The following TRAPPC12 variants were observed in gnomAD, a reference collection of about 807,000 sequenced individuals.
The protein encoded by TRAPPC12 is TPR repeat protein 15.
A neutral mutation model predicts 69.2 loss-of-function variants in TRAPPC12; 61 were observed. The ratio of observed to expected loss-of-function variants is 0.88; its 90% confidence interval spans 0.72 to 1.09. The LOEUF is 1.09. Ranked by LOEUF, TRAPPC12 falls within the 50% of genes least tolerant of loss-of-function variation. The probability of loss-of-function intolerance (pLI) is 0.00; values close to 1 mark genes in which losing one functional copy is unlikely to be tolerated. For missense variants in TRAPPC12, 1,101 were observed against 1,016.4 expected, an observed-to-expected ratio of 1.08 and a Z score of -1.13; for synonymous variants, 469 against 438.9, an observed-to-expected ratio of 1.07 and a Z score of -0.86.
chr2:3,466,393 G>A (rs533073716), intron 9 of TRAPPC12: 116 of 471,224 alleles, frequency 2.5e-4, no homozygotes, highest in African/African-American at 2.1e-3. Flanking sequence ...ACCCACTCAC[G>A]GTGAGCCAGG....
At chr2:3,419,018 C>T (rs112752855) in intron 3 of TRAPPC12, among the ~76,000 whole-genome samples, 1 of 152,212 alleles carries the variant, frequency 6.6e-6, no homozygotes, top group South Asian at 2.1e-4. Context: ...CCCCTCGGGC[C>T]CTGCACCCTG....
intron 1 of TRAPPC12, among the ~76,000 whole-genome samples, chr2:3,387,134 TCAA>T (rs1231817635): frequency 6.6e-6 from 1 of 152,312 alleles, no homozygotes; most frequent in Admixed American, 6.5e-5. Context: ...ACCCACGTGT[TCAA>T]CAACAGATAG....
chr2:3,478,632 C>A (rs558534460), intron 10 of TRAPPC12: 2 of 504,524 alleles, frequency 4.0e-6, no homozygotes, highest in East Asian at 6.7e-5. Flanking sequence ...AAAACTCCAT[C>A]TAAAAAATAA....
Position 3,479,475 on chromosome 2 carries a change from A to G in TRAPPC12, c.*14A>G. On this transcript the variant is annotated 3_prime_UTR_variant, in exon 12 of 12. Transcript: ENST00000324266. ...AAGCTGGCCTAGCTGCCTCCAACAC[A>G]CTACGTCAGAAGGACCCGGGTCTTT... 1.2e-6 allele frequency: 2 copies of G among 1,612,590 alleles called. No homozygotes were observed. Among genetic ancestry groups the G allele is most frequent in the Middle Eastern group, 1.7e-4 (1 of 6,056 alleles).
chr2:3,389,718 C>T (rs1029983653), intron 2 of TRAPPC12: 1 of 470,976 alleles, frequency 2.1e-6, no homozygotes, highest in Non-Finnish European at 4.4e-6. Context: ...ACCTGCACTC[C>T]GCGGAGTCCT....
At chr2:3,454,187 G>T (rs1022876107) in intron 6 of TRAPPC12, among the ~76,000 whole-genome samples, 3 of 152,368 alleles carry the variant, frequency 2.0e-5, no homozygotes, top group Non-Finnish European at 2.9e-5. Flanking sequence ...GCCCCAGCCA[G>T]GAGAGTGCTT....
intron 8 of TRAPPC12, among the ~76,000 whole-genome samples, chr2:3,462,404 G>A (rs973151061): frequency 3.3e-5 from 5 of 152,180 alleles, no homozygotes; most frequent in Admixed American, 1.3e-4. Flanking sequence ...TTAAAGCCAA[G>A]CCAAGCATAT....
intron 3 of TRAPPC12, among the ~76,000 whole-genome samples, chr2:3,420,625 C>T (rs1291240369): frequency 6.6e-6 from 1 of 152,300 alleles, no homozygotes; most frequent in South Asian, 2.1e-4. Context: ...ACACAGCCCC[C>T]CACACCGCCG....
rs563292044 is a variant in TRAPPC12 at position 3,414,552 on chromosome 2, A to G, written c.1165-7329A>G. Among the ~76,000 whole-genome samples, 1 of 28,350 alleles carries G rather than the reference A, an allele frequency of 3.5e-5. No individual in the cohort carries two copies. Among genetic ancestry groups the G allele is most frequent in the Non-Finnish European group, 6.6e-5 (1 of 15,116 alleles). 18.6% of individuals were successfully genotyped at this position (28,350 alleles called of 152,430 possible). A position where few individuals can be genotyped will look rare whatever the true frequency, so the allele number is the denominator to read the frequency against. On this transcript the variant is annotated intron_variant, in intron 3 of 11. Transcript: ENST00000324266. This position sits in a 1 kb window ranked among gnomAD's most constrained non-coding sequence, Gnocchi z 4.9. Reference sequence around the variant, plus strand: ...CACCATCCCCCTGACCCCATCCCCCAGCTGTCCCCGCTGTGCAGTGCCTTG... The same window carrying G: ...CACCATCCCCCTGACCCCATCCCCCGGCTGTCCCCGCTGTGCAGTGCCTTG...
At chr2:3,392,014 G>A (rs1660853201) in intron 2 of TRAPPC12, among the ~76,000 whole-genome samples, 1 of 152,104 alleles carries the variant, frequency 6.6e-6, no homozygotes, top group Admixed American at 6.5e-5. Flanking sequence ...CTTCCCAACT[G>A]GGTGCTGCAG....
chr2:3,389,720 C>T, intron 2 of TRAPPC12: 2 of 471,066 alleles, frequency 4.2e-6, no homozygotes, highest in South Asian at 3.1e-5. Flanking sequence ...CTGCACTCCG[C>T]GGAGTCCTGA....
chr2:3,443,216 C>T (rs1055497953), intron 5 of TRAPPC12, among the ~76,000 whole-genome samples: 2 of 152,226 alleles, frequency 1.3e-5, no homozygotes, highest in African/African-American at 2.4e-5. Context: ...AGAGGTGGAA[C>T]GCAGGCTCCA....
intron 3 of TRAPPC12, among the ~76,000 whole-genome samples, chr2:3,402,595 C>CA (rs1169962520): frequency 6.6e-6 from 1 of 152,118 alleles, no homozygotes; most frequent in Non-Finnish European, 1.5e-5. Context: ...GACTCCGTCT[C>CA]AAAAAAATAA....
At chr2:3,466,347 C>T (rs561890632) in intron 9 of TRAPPC12, 17 of 471,212 alleles carry the variant, frequency 3.6e-5, no homozygotes, top group Middle Eastern at 3.2e-4. Context: ...CAAGGGATGG[C>T]TGAGCGGGGA....
intron 3 of TRAPPC12, among the ~76,000 whole-genome samples, chr2:3,413,420 C>T (rs1452835735): frequency 1.3e-5 from 2 of 152,174 alleles, no homozygotes; most frequent in Non-Finnish European, 1.5e-5. Flanking sequence ...GTCATTCGGC[C>T]AGTTCCGTAG....
chr2:3,466,928 A>G (rs1188943628), intron 9 of TRAPPC12, among the ~76,000 whole-genome samples: 2 of 152,202 alleles, frequency 1.3e-5, no homozygotes, highest in African/African-American at 2.4e-5. Context: ...TCATAGTAAA[A>G]TAGTACGCTG....
intron 3 of TRAPPC12, among the ~76,000 whole-genome samples, chr2:3,418,205 C>T (rs1283595572): frequency 5.3e-5 from 5 of 94,034 alleles, no homozygotes; most frequent in East Asian, 3.7e-4. Flanking sequence ...TACAAATACT[C>T]GCCTGCTTCT....
chr2:3,391,785 C>G (rs1045961375), intron 2 of TRAPPC12, among the ~76,000 whole-genome samples: 1 of 152,084 alleles, frequency 6.6e-6, no homozygotes, highest in Non-Finnish European at 1.5e-5. Flanking sequence ...GTCTCTGTAT[C>G]CTGTCCCCCC....
intron 7 of TRAPPC12, chr2:3,459,974 C>T (rs1369149820): frequency 2.2e-5 from 11 of 506,784 alleles, no homozygotes; most frequent in Non-Finnish European, 3.9e-5. Context: ...GGAAACGGGG[C>T]CCCCGGTCGG....
Sources: gnomAD v4.1 joint callset for allele counts (sites outside exome capture counted in the v4.1 genomes callset) on GRCh38, gnomAD v4.1.1 for gene constraint, Gnocchi (gnomAD v3.1) non-coding constraint, MANE v1.5 for transcripts, NCBI Gene and HGNC (gene_info 2026-07-23, HGNC 2026-07-21) for gene names.